PXDNL: variants seen among roughly 807,000 people sequenced by gnomAD.
The protein encoded by PXDNL is peroxidasin like, also known as probable oxidoreductase PXDNL.
PXDNL carries 145 observed loss-of-function variants against 150.8 expected under a neutral mutation model. The observed-to-expected ratio is 0.96, with a 90% CI of 0.84 to 1.10. The LOEUF (loss-of-function observed/expected upper bound fraction) is 1.10. Among genes scored for constraint, PXDNL ranks in the 50% least tolerant of loss-of-function variants. The pLI is 0.00. For missense variants in PXDNL, 2,087 were observed against 1,873.9 expected (o/e 1.11, Z -2.10); for synonymous variants, 757 against 725.7 (o/e 1.04, Z -0.69).
chr8:51,466,078 G>T (rs1258999578), intron 8 of PXDNL, among the ~76,000 whole-genome samples: 1 of 150,738 alleles, frequency 6.6e-6, no homozygotes, highest in African/African-American at 2.4e-5. Flanking sequence ...AACAGAAAAA[G>T]AGCCTGAGTA....
At chr8:51,545,532 T>C (rs1812340180) in intron 4 of PXDNL, among the ~76,000 whole-genome samples, 1 of 152,214 alleles carries the variant, frequency 6.6e-6, no homozygotes, top group Non-Finnish European at 1.5e-5. Context: ...TATTGGCTCA[T>C]GGCTCTGAAG....
At chr8:51,703,678 T>C (rs1050449734) in intron 1 of PXDNL, among the ~76,000 whole-genome samples, 1 of 152,186 alleles carries the variant, frequency 6.6e-6, no homozygotes, top group Admixed American at 6.5e-5. Flanking sequence ...AAGTACTGCC[T>C]AGTCCTGCGA....
intron 20 of PXDNL, among the ~76,000 whole-genome samples, chr8:51,343,931 T>C (rs2130694824): frequency 6.6e-6 from 1 of 152,304 alleles, no homozygotes; most frequent in Middle Eastern, 3.4e-3. Context: ...GAGTTCCAAT[T>C]ACCTTGCCTG....
intron 6 of PXDNL, among the ~76,000 whole-genome samples, chr8:51,480,649 A>G (rs1810579975): frequency 6.6e-6 from 1 of 152,162 alleles, no homozygotes; most frequent in African/African-American, 2.4e-5. Context: ...GAATTGTAAA[A>G]ATCCCTACAT....
At chr8:51,659,179 T>C (rs1815216677) in intron 1 of PXDNL, among the ~76,000 whole-genome samples, 1 of 152,214 alleles carries the variant, frequency 6.6e-6, no homozygotes, top group Admixed American at 6.5e-5. Flanking sequence ...ATAATATTGA[T>C]GAAATAATAT....
intron 5 of PXDNL, among the ~76,000 whole-genome samples, chr8:51,484,309 C>A (rs956156374): frequency 5.9e-5 from 9 of 151,824 alleles, no homozygotes; most frequent in African/African-American, 2.2e-4. Flanking sequence ...GTGGCAGGTA[C>A]CTGTAATCCC....
Position 51,660,877 on chromosome 8 carries a change from C to T in PXDNL, c.165-6117G>A, listed in dbSNP as rs562822384. On this transcript the variant is annotated intron_variant, in intron 1 of 22. Coordinates refer to ENST00000356297, the MANE Select transcript of PXDNL (RefSeq NM_144651.5). ...GCAGACTCTACTCCCTGTAGCCAGG[C>T]CGTCAGTCACTCCAATCAGCCCTGC... Among the ~76,000 whole-genome samples, 11 of 152,258 alleles carry T rather than the reference C, an allele frequency of 7.2e-5. No individual in the cohort carries two copies. The South Asian group carries it at 2.3e-3, about 32-fold the overall frequency.
intron 2 of PXDNL, among the ~76,000 whole-genome samples, chr8:51,627,205 A>G (rs1436697876): frequency 6.6e-6 from 1 of 152,320 alleles, no homozygotes; most frequent in East Asian, 1.9e-4. Context: ...GCTTCCAGCG[A>G]TTCTGGATAA....
At chr8:51,442,207 G>A (rs1809567253) in intron 12 of PXDNL, among the ~76,000 whole-genome samples, 1 of 151,198 alleles carries the variant, frequency 6.6e-6, no homozygotes, top group Non-Finnish European at 1.5e-5. Flanking sequence ...CAGATAAAAT[G>A]GAACAAATTT....
intron 20 of PXDNL, among the ~76,000 whole-genome samples, chr8:51,342,879 C>CAAAAAAA (rs35948794): frequency 1.1e-5 from 1 of 90,222 alleles, no homozygotes. Flanking sequence ...GATTAAGATT[C>CAAAAAAA]AAAAAAAAAA....
chr8:51,604,377 T>C (rs1201351073), intron 2 of PXDNL, among the ~76,000 whole-genome samples: 1 of 152,168 alleles, frequency 6.6e-6, no homozygotes, highest in African/African-American at 2.4e-5. Context: ...GAAACCATCA[T>C]TCTCAGCAAA....
Position 51,339,749 on chromosome 8 carries a change from G to T in PXDNL, c.4021C>A (p.Gln1341Lys). The T allele has an allele frequency of 6.3e-7, 1 of 1,592,182 alleles. No individual in the cohort carries two copies. Residue 1341 changes from glutamine (Q) to lysine (K), a missense_variant, in exon 21 of 23, where the codon CAA (glutamine) becomes AAA (lysine). By Grantham distance (53) the Gln-to-Lys change is moderately conservative. Transcript: ENST00000356297. Reference sequence around the variant, plus strand: ...TCTTCACCCACATATATTTTATCTTGTTGCCTATTTATAACAAGAAGCAAA... The same window carrying T: ...TCTTCACCCACATATATTTTATCTTTTTGCCTATTTATAACAAGAAGCAAA... ...MELSHLRSRQ[Q>K]DKIYVGEDAR...
At chr8:51,574,021 T>C (rs542460429) in intron 3 of PXDNL, among the ~76,000 whole-genome samples, 1 of 152,084 alleles carries the variant, frequency 6.6e-6, no homozygotes, top group African/African-American at 2.4e-5. Flanking sequence ...ACATTTCTAT[T>C]GTAAGCCACC....
chr8:51,618,361 C>T (rs1744739369), intron 2 of PXDNL, among the ~76,000 whole-genome samples: 2 of 152,194 alleles, frequency 1.3e-5, no homozygotes, highest in Admixed American at 6.5e-5. Flanking sequence ...TGAATAAAAA[C>T]TTGCTGGATG....
intron 2 of PXDNL, among the ~76,000 whole-genome samples, chr8:51,627,960 A>T (rs1814397967): frequency 6.6e-6 from 1 of 152,212 alleles, no homozygotes; most frequent in Non-Finnish European, 1.5e-5. Flanking sequence ...GAAAAGCAGC[A>T]GCCATTCCTC....
At chr8:51,481,405 G>A (rs1299017218) in intron 6 of PXDNL, among the ~76,000 whole-genome samples, 1 of 152,078 alleles carries the variant, frequency 6.6e-6, no homozygotes, top group Non-Finnish European at 1.5e-5. Flanking sequence ...GAGGTGACGA[G>A]GCATAAAAAT....
At chr8:51,582,704 T>C (rs1439564100) in intron 3 of PXDNL, among the ~76,000 whole-genome samples, 1 of 152,194 alleles carries the variant, frequency 6.6e-6, no homozygotes, top group Non-Finnish European at 1.5e-5. Flanking sequence ...TCATCAATTA[T>C]GATAAAATTA....
chr8:51,803,968 C>T (rs538329786), intron 1 of PXDNL, among the ~76,000 whole-genome samples: 31 of 152,276 alleles, frequency 2.0e-4, no homozygotes, highest in Middle Eastern at 3.4e-3. Context: ...ATGTATGAAC[C>T]TCAAATATCC....
intron 1 of PXDNL, among the ~76,000 whole-genome samples, chr8:51,668,176 C>CT (rs71550279): frequency 0.015 from 1,187 of 77,372 alleles, 98 homozygotes; most frequent in Non-Finnish European, 0.021. Context: ...CTCGCTCTCT[C>CT]TTTTTTTTTT....
Sources: gnomAD v4.1 joint callset for allele counts (sites outside exome capture counted in the v4.1 genomes callset) on GRCh38, gnomAD v4.1.1 for gene constraint, MANE v1.5 for transcripts, NCBI Gene and HGNC (gene_info 2026-07-23, HGNC 2026-07-21) for gene names.